Variants in LMCD1 observed in about 807,000 individuals in gnomAD.
LMCD1 encodes the protein LIM and cysteine rich domains 1, also known as LIM and cysteine-rich domains protein 1.
LMCD1 carries 32 observed loss-of-function variants against 42.7 expected under a neutral mutation model. The ratio of observed to expected loss-of-function variants is 0.75; its 90% CI spans 0.57 to 1.01. The LOEUF is 1.01. LMCD1 is among the 50% of genes least tolerant of loss of function. The probability of loss-of-function intolerance (pLI) is 0.00; values close to 1 mark genes in which losing one functional copy is unlikely to be tolerated. For synonymous variants in LMCD1, 178 were observed against 184.9 expected, an observed-to-expected ratio of 0.96 and a Z score of 0.30; for missense variants, 458 against 483.1, an observed-to-expected ratio of 0.95 and a Z score of 0.49.
chr3:8,531,238 C>T (rs1694406441), intron 1 of LMCD1, among the ~76,000 whole-genome samples: 2 of 152,200 alleles, frequency 1.3e-5, no homozygotes, highest in Admixed American at 6.5e-5. Context: ...ATACCCTACT[C>T]ATCATGCCTT....
At chr3:8,561,388 T>G (rs965488967) in intron 4 of LMCD1, among the ~76,000 whole-genome samples, 11 of 152,218 alleles carry the variant, frequency 7.2e-5, no homozygotes, top group South Asian at 4.1e-4. Context: ...AGAGTTTTTT[T>G]TTTTTTTTTT....
At chr3:8,510,852 T>G (rs989016893) in intron 1 of LMCD1, among the ~76,000 whole-genome samples, 1 of 152,232 alleles carries the variant, frequency 6.6e-6, no homozygotes, top group Admixed American at 6.5e-5. Context: ...TAAGAAGAGA[T>G]ATTCTCATGT....
rs1404768236 is a variant in LMCD1, at chr3:8,567,988, ACAGGAGCTCCTC to A, written c.*398_*409del. The A allele has an allele frequency of 1.3e-5, 2 of 155,414 alleles. No individual in the cohort carries two copies. Among genetic ancestry groups the A allele is most frequent in the Admixed American group, 1.3e-4 (2 of 15,356 alleles). The allele number at this position is 155,414 out of a possible 1,614,324, so 9.6% of individuals were successfully genotyped here. A position where few individuals can be genotyped will look rare whatever the true frequency, so the allele number is the denominator to read the frequency against. ...AGAATGTGCGTGCTTTTTTGTGGAC[ACAGGAGCTCCTC>A]CAGGAGCAGGCTGGGATCCCAACTA... On this transcript the variant is annotated 3_prime_UTR_variant, in exon 6 of 6. Coordinates refer to ENST00000157600, the MANE Select transcript of LMCD1 (RefSeq NM_014583.4).
chr3:8,550,574 T>A, intron 4 of LMCD1: 3 of 985,328 alleles, frequency 3.0e-6, no homozygotes, highest in Non-Finnish European at 3.6e-6. Flanking sequence ...CTGTTTTATC[T>A]GAGAACTCTA....
intron 3 of LMCD1, among the ~76,000 whole-genome samples, chr3:8,539,795 T>TTTATTA (rs71049735): frequency 0.011 from 1,563 of 139,792 alleles, 8 homozygotes; most frequent in African/African-American, 0.012. Context: ...TCCCAACATT[T>TTTATTA]TTATTATTAT....
chr3:8,567,819 T>TAAG lies in LMCD1; in HGVS notation c.*225_*227dup, dbSNP rs1695154370. Reference sequence around the variant, plus strand: ...AGTAGTTTCAAAACCAAAAATATTCTAAGAAGTCTTAGGATGGAGTTCCTT... The same window carrying TAAG: ...AGTAGTTTCAAAACCAAAAATATTCTAAGAAGAAGTCTTAGGATGGAGTTCCTT... On this transcript the variant is annotated 3_prime_UTR_variant, in exon 6 of 6. Coordinates refer to ENST00000157600, the MANE Select transcript of LMCD1 (RefSeq NM_014583.4). 5.6e-6 allele frequency: 2 copies of TAAG among 357,188 alleles called. No homozygotes were observed. The highest frequency in any genetic ancestry group is 4.2e-5 in the African/African-American group (2 of 47,580). 22.1% of individuals were successfully genotyped at this position (357,188 alleles called of 1,614,324 possible). A position where few individuals can be genotyped will look rare whatever the true frequency, so the allele number is the denominator to read the frequency against.
intron 1 of LMCD1, among the ~76,000 whole-genome samples, chr3:8,515,210 C>G (rs1574948639): frequency 6.6e-6 from 1 of 152,176 alleles, no homozygotes; most frequent in East Asian, 1.9e-4. Context: ...TGAATTTAGC[C>G]TGGCATCCAG....
chr3:8,542,412 A>G (rs1694644437), intron 3 of LMCD1, among the ~76,000 whole-genome samples: 1 of 152,172 alleles, frequency 6.6e-6, no homozygotes, highest in Non-Finnish European at 1.5e-5. Context: ...ACAGACACCC[A>G]ATGCCAGTGC....
At chr3:8,505,358 G>A (rs1421516076) in intron 1 of LMCD1, among the ~76,000 whole-genome samples, 1 of 152,208 alleles carries the variant, frequency 6.6e-6, no homozygotes, top group East Asian at 1.9e-4. Context: ...TGGATTGCCA[G>A]TTATTGAGCA....
At chr3:8,559,132 T>C (rs1345650922) in intron 4 of LMCD1, among the ~76,000 whole-genome samples, 3 of 152,068 alleles carry the variant, frequency 2.0e-5, no homozygotes, top group Non-Finnish European at 4.4e-5. Context: ...CACGACTCGA[T>C]TCTCTGGCCT....
intron 4 of LMCD1, chr3:8,550,701 C>A (rs1187596321): frequency 1.0e-6 from 1 of 981,878 alleles, no homozygotes. Flanking sequence ...AATATTAGAT[C>A]TAGTTACCAT....
chr3:8,502,321 T>TTATATATAA lies in LMCD1; in HGVS notation c.42+349_42+357dup, dbSNP rs1693753176. On this transcript the variant is annotated intron_variant, in intron 1 of 5. Transcript: ENST00000157600. The stretch of plus-strand genomic sequence containing the variant: ...TTATATATAATATATAAAATATATA[T>TTATATATAA]TATATATAATATATATTATATATAA... 3.0e-3 allele frequency among the ~76,000 whole-genome samples: 77 copies of TTATATATAA among 25,740 alleles called. 4 individuals are homozygous for TTATATATAA. Among genetic ancestry groups the TTATATATAA allele is most frequent in the African/African-American group, 0.013 (69 of 5,258 alleles). The allele number at this position is 25,740 out of a possible 152,430, so 16.9% of individuals were successfully genotyped here.
intron 1 of LMCD1, among the ~76,000 whole-genome samples, chr3:8,505,255 G>C (rs983316052): frequency 6.6e-6 from 1 of 152,198 alleles, no homozygotes; most frequent in Non-Finnish European, 1.5e-5. Flanking sequence ...GCTCAGCTTT[G>C]ACAAGCTAAG....
chr3:8,509,375 G>A (rs1471343633), intron 1 of LMCD1, among the ~76,000 whole-genome samples: 1 of 152,138 alleles, frequency 6.6e-6, no homozygotes, highest in African/African-American at 2.4e-5. Context: ...AATTCGTCTT[G>A]GGTGTTTGGT....
chr3:8,520,417 G>A (rs1694181776), intron 1 of LMCD1, among the ~76,000 whole-genome samples: 1 of 152,142 alleles, frequency 6.6e-6, no homozygotes. Context: ...AAACCAATTA[G>A]ATTTTAATTT....
intron 1 of LMCD1, among the ~76,000 whole-genome samples, chr3:8,502,596 ACAC>A: frequency 8.6e-6 from 1 of 116,890 alleles, no homozygotes; most frequent in South Asian, 2.4e-4. Flanking sequence ...ACACACACAC[ACAC>A]ACACACACGC....
chr3:8,563,477 G>A (rs1695075986), intron 4 of LMCD1, among the ~76,000 whole-genome samples: 1 of 152,260 alleles, frequency 6.6e-6, no homozygotes, highest in South Asian at 2.1e-4. Context: ...TCCTGGGTCA[G>A]AGCTGCAACC....
At chr3:8,553,704 A>C (rs1273948515) in intron 4 of LMCD1, among the ~76,000 whole-genome samples, 1 of 152,234 alleles carries the variant, frequency 6.6e-6, no homozygotes, top group African/African-American at 2.4e-5. Context: ...ACCTCAGGGC[A>C]GTCCTCTGAA....
At chr3:8,564,781 G>A (rs1288047831) in intron 4 of LMCD1, among the ~76,000 whole-genome samples, 2 of 152,170 alleles carry the variant, frequency 1.3e-5, no homozygotes, top group Non-Finnish European at 2.9e-5. Flanking sequence ...ACAGTTGCCT[G>A]GAAGGTCCTT....
Sources: gnomAD v4.1 joint callset for allele counts (sites outside exome capture counted in the v4.1 genomes callset) on GRCh38, gnomAD v4.1.1 for gene constraint, MANE v1.5 for transcripts, NCBI Gene and HGNC (gene_info 2026-07-23, HGNC 2026-07-21) for gene names.